Variants in GNG7 observed in about 807,000 individuals in gnomAD.
The protein encoded by GNG7 is G protein subunit gamma 7.
A neutral mutation model predicts 4.0 loss-of-function variants in GNG7; 1 was observed. That is an observed-to-expected ratio of 0.25 (90% CI 0.09 to 1.18). The LOEUF (loss-of-function observed/expected upper bound fraction) is 1.18, where lower values mean the gene tolerates loss of function less well. Among genes scored for constraint, GNG7 ranks in the 50% most tolerant of loss-of-function variants. The pLI, the probability that GNG7 is intolerant of heterozygous loss-of-function variation, is 0.50. For synonymous variants in GNG7, 34 were observed against 36.9 expected, an observed-to-expected ratio of 0.92 and a Z score of 0.29; for missense variants, 86 against 91.9, an observed-to-expected ratio of 0.94 and a Z score of 0.26.
intron 2 of GNG7, among the ~76,000 whole-genome samples, chr19:2,616,321 T>A (rs1981722975): frequency 2.0e-5 from 3 of 152,182 alleles, no homozygotes; most frequent in Admixed American, 1.3e-4. Context: ...CTCGACTCAT[T>A]GCAACCTCTG....
chr19:2,683,099 C>A (rs374120529), intron 1 of GNG7, among the ~76,000 whole-genome samples: 73 of 152,130 alleles, frequency 4.8e-4, no homozygotes, highest in African/African-American at 1.7e-3. Flanking sequence ...ATTAGCTGGG[C>A]GTGCTGGCGC....
rs555072595 is a variant in GNG7, at chr19:2,691,937, G to A, written c.-135+10709C>T. Among the ~76,000 whole-genome samples the A allele has an allele frequency of 2.6e-5, 4 of 152,164 alleles. No homozygotes were observed. In the East Asian group the frequency reaches 5.8e-4, roughly 22 times the overall value. ...GGAGAAGGCCTTTTGTGATGACAGA[G>A]GCAGAAATTGGATCAATGAGGCCAT... On this transcript the variant is annotated intron_variant, in intron 1 of 4. Coordinates refer to ENST00000382159, the MANE Select transcript of GNG7 (RefSeq NM_052847.3).
At chr19:2,685,754 C>T (rs912437638) in intron 1 of GNG7, among the ~76,000 whole-genome samples, 4 of 152,180 alleles carry the variant, frequency 2.6e-5, no homozygotes, top group African/African-American at 7.2e-5. Context: ...TGCCCAGTAA[C>T]GTCCGTGACC....
intron 2 of GNG7, among the ~76,000 whole-genome samples, chr19:2,592,576 A>C (rs1233346177): frequency 6.6e-6 from 1 of 151,712 alleles, no homozygotes; most frequent in Non-Finnish European, 1.5e-5. Flanking sequence ...CTCTAGAAAA[A>C]ATTTTTAAAA....
At chr19:2,538,864 G>A (rs1978844128) in intron 3 of GNG7, 1 of 243,012 alleles carries the variant, frequency 4.1e-6, no homozygotes, top group South Asian at 4.2e-5. Context: ...TGCGTCCTGG[G>A]TTCAAGCCAT....
intron 1 of GNG7, among the ~76,000 whole-genome samples, chr19:2,699,475 A>G (rs908825401): frequency 3.0e-4 from 45 of 152,286 alleles, no homozygotes; most frequent in African/African-American, 1.1e-3. Flanking sequence ...AATGTTTTCT[A>G]AAAGCAGTGA....
intron 1 of GNG7, among the ~76,000 whole-genome samples, chr19:2,677,015 G>A (rs1287465599): frequency 1.3e-5 from 2 of 152,120 alleles, no homozygotes; most frequent in Non-Finnish European, 2.9e-5. Context: ...GCCGTGATCC[G>A]GCTCTCAGCT....
At chr19:2,612,155 G>C (rs1186306947) in intron 2 of GNG7, among the ~76,000 whole-genome samples, 1 of 152,208 alleles carries the variant, frequency 6.6e-6, no homozygotes, top group South Asian at 2.1e-4. Flanking sequence ...CTACAGGTGT[G>C]AGCCAGCGCG....
At chr19:2,685,785 G>C (rs1272597722) in intron 1 of GNG7, among the ~76,000 whole-genome samples, 3 of 152,178 alleles carry the variant, frequency 2.0e-5, no homozygotes, top group African/African-American at 7.2e-5. Flanking sequence ...CTCCTCCCGA[G>C]ACGAGGGCCT....
intron 4 of GNG7, among the ~76,000 whole-genome samples, chr19:2,516,085 T>C (rs1312489195): frequency 6.6e-6 from 1 of 151,658 alleles, no homozygotes; most frequent in Non-Finnish European, 1.5e-5. Flanking sequence ...CATAGTGATG[T>C]GGGCATCTGT....
At chr19:2,644,424 A>G (rs1982611657) in intron 2 of GNG7, among the ~76,000 whole-genome samples, 4 of 121,394 alleles carry the variant, frequency 3.3e-5, no homozygotes, top group South Asian at 2.6e-4. Flanking sequence ...GATGTAATTC[A>G]TATGACATAC....
At chr19:2,518,866 G>C (rs1404958483) in intron 4 of GNG7, among the ~76,000 whole-genome samples, 1 of 152,086 alleles carries the variant, frequency 6.6e-6, no homozygotes, top group Non-Finnish European at 1.5e-5. Context: ...CGCAATCTCA[G>C]CTCACTGCAA....
chr19:2,669,623 C>T (rs939327389), intron 1 of GNG7, among the ~76,000 whole-genome samples: 1 of 152,230 alleles, frequency 6.6e-6, no homozygotes, highest in African/African-American at 2.4e-5. Context: ...ATCTAGGGCA[C>T]TTTCCAACAT....
rs1408722661 is a variant in GNG7 at position 2,617,815 on chromosome 19, C to T, written c.-78+28409G>A. Among the ~76,000 whole-genome samples, 1 of 151,516 alleles carries T rather than the reference C, an allele frequency of 6.6e-6. No individual in the cohort carries two copies. The highest frequency in any genetic ancestry group is 1.5e-5 in the Non-Finnish European group (1 of 67,860). On this transcript the variant is annotated intron_variant, in intron 2 of 4. Transcript: ENST00000382159. This position sits in a 1 kb window ranked among gnomAD's most constrained non-coding sequence, Gnocchi z 4.7. ...CTCACCGCAACCTCAGCCTCCTGGG[C>T]TCAAGTGATCCTCCTACCTCAGCCT...
chr19:2,624,094 G>A (rs1365387535), intron 2 of GNG7, among the ~76,000 whole-genome samples: 4 of 152,116 alleles, frequency 2.6e-5, no homozygotes. Flanking sequence ...CAGAGATTCA[G>A]TCTGGGAAGA....
chr19:2,541,257 G>C (rs2098083), intron 3 of GNG7, among the ~76,000 whole-genome samples: 2 of 152,148 alleles, frequency 1.3e-5, no homozygotes, highest in African/African-American at 4.8e-5. Flanking sequence ...AATTGCTTGA[G>C]GCCAGGAGTT....
intron 1 of GNG7, among the ~76,000 whole-genome samples, chr19:2,693,828 C>CA (rs919316361): frequency 6.6e-6 from 1 of 152,102 alleles, no homozygotes; most frequent in Non-Finnish European, 1.5e-5. Context: ...ATAAATGCGT[C>CA]AAGGGTTAAA....
At chr19:2,573,728 A>G (rs144911034) in intron 2 of GNG7, among the ~76,000 whole-genome samples, 12,951 of 152,178 alleles carry the variant, frequency 0.085, 800 homozygotes, top group African/African-American at 0.17. Context: ...CTGTAATCCC[A>G]GCTACTCGGG....
intron 3 of GNG7, among the ~76,000 whole-genome samples, chr19:2,541,784 C>G (rs1025683807): frequency 1.3e-5 from 2 of 150,182 alleles, no homozygotes; most frequent in Admixed American, 1.3e-4. Context: ...TGTGGTCGCA[C>G]AAGCCTGTAG....
Sources: allele counts gnomAD v4.1 joint callset (sites outside exome capture counted in the v4.1 genomes callset), GRCh38; gene constraint gnomAD v4.1.1; non-coding constraint Gnocchi (gnomAD v3.1); transcripts MANE v1.5; gene names NCBI Gene and HGNC (gene_info 2026-07-23, HGNC 2026-07-21).